Variants in AKAP6 observed in about 807,000 individuals in gnomAD.
AKAP6 encodes the protein A-kinase anchor protein 6.
Under a neutral mutation model 188.5 loss-of-function variants are expected in AKAP6, and 58 were observed. The ratio of observed to expected loss-of-function variants is 0.31; its 90% CI spans 0.25 to 0.38. AKAP6 has a LOEUF of 0.38. Ranked by LOEUF, AKAP6 falls within the 10% of genes least tolerant of loss-of-function variation. The probability of loss-of-function intolerance (pLI) is 1.00; values close to 1 mark genes in which losing one functional copy is unlikely to be tolerated. For synonymous variants in AKAP6, 989 were observed against 998.6 expected (o/e 0.99, Z 0.18); for missense variants, 2,710 against 2,740.0 (o/e 0.99, Z 0.24).
chr14:32,360,131 T>C (rs1887610521), intron 1 of AKAP6, among the ~76,000 whole-genome samples: 1 of 110,540 alleles, frequency 9.0e-6, no homozygotes, highest in Non-Finnish European at 1.9e-5. Flanking sequence ...TTTTTCTTTT[T>C]TCTTTTTTTT....
intron 11 of AKAP6, among the ~76,000 whole-genome samples, chr14:32,768,499 C>T (rs1397026618): frequency 6.6e-6 from 1 of 152,146 alleles, no homozygotes; most frequent in Non-Finnish European, 1.5e-5. Flanking sequence ...CAAGAAAATA[C>T]TAGTAACATA....
chr14:32,491,440 G>T (rs1880008058), intron 2 of AKAP6, among the ~76,000 whole-genome samples: 1 of 152,106 alleles, frequency 6.6e-6, no homozygotes, highest in Non-Finnish European at 1.5e-5. Context: ...TCAAACTTTT[G>T]GTACTGTGCT....
At chr14:32,428,632 A>T (rs747265300) in intron 1 of AKAP6, among the ~76,000 whole-genome samples, 5 of 152,182 alleles carry the variant, frequency 3.3e-5, no homozygotes, top group African/African-American at 4.8e-5. Flanking sequence ...TTGTAAAAGA[A>T]AGGAGAGAGA....
At chr14:32,775,938 A>G (rs2033046653) in intron 12 of AKAP6, among the ~76,000 whole-genome samples, 1 of 152,236 alleles carries the variant, frequency 6.6e-6, no homozygotes, top group Non-Finnish European at 1.5e-5. Context: ...AATCTCTGTC[A>G]GAAAAGGAAT....
At chr14:32,606,566 A>G (rs1385507276) in intron 7 of AKAP6, among the ~76,000 whole-genome samples, 1 of 152,200 alleles carries the variant, frequency 6.6e-6, no homozygotes, top group African/African-American at 2.4e-5. Flanking sequence ...GAAACAGATA[A>G]GTTTCCAGAA....
In AKAP6 at chr14:32,732,527, A is replaced by C; in HGVS notation, c.3074A>C (p.Lys1025Thr). 1 of 1,613,614 alleles carries C rather than the reference A, an allele frequency of 6.2e-7. No homozygotes were observed. Among genetic ancestry groups the C allele is most frequent in the Non-Finnish European group, 8.5e-7 (1 of 1,179,698 alleles). ...CTTAGTAAGGTTGAAGCTTTGAAGA[A>C]AGGTGGCGTTTTACTACCAAATGAT... ...ELLSKVEALK[K>T]GGVLLPNDLL... The change falls in exon 10 of 14, where the codon AAA becomes ACA. Residue 1025 changes from lysine to threonine, a missense_variant. This residue lies in a region of AKAP6 where 2,473 missense variants were observed against 2,426.1 expected (regional missense o/e 1.02). Coordinates refer to ENST00000280979, the MANE Select transcript of AKAP6 (RefSeq NM_004274.5).
chr14:32,446,556 A>T (rs755088047), intron 2 of AKAP6, among the ~76,000 whole-genome samples: 1 of 152,048 alleles, frequency 6.6e-6, no homozygotes, highest in Non-Finnish European at 1.5e-5. Flanking sequence ...GACATGTAAG[A>T]ATAGATTGTT....
intron 11 of AKAP6, among the ~76,000 whole-genome samples, chr14:32,763,712 T>C (rs1422088210): frequency 6.6e-6 from 1 of 152,158 alleles, no homozygotes; most frequent in African/African-American, 2.4e-5. Context: ...TCAATTGCTA[T>C]TTTTTGCACT....
intron 12 of AKAP6, among the ~76,000 whole-genome samples, chr14:32,798,272 G>C (rs1037988551): frequency 6.6e-6 from 1 of 152,150 alleles, no homozygotes; most frequent in Non-Finnish European, 1.5e-5. Context: ...GCAGAGAAAA[G>C]GGAAAGCTTA....
intron 12 of AKAP6, among the ~76,000 whole-genome samples, chr14:32,776,391 G>A (rs554496253): frequency 3.5e-4 from 53 of 152,236 alleles, no homozygotes; most frequent in African/African-American, 9.6e-4. Flanking sequence ...ATTCTCTCTT[G>A]TCTGCTGCCA....
At chr14:32,678,511 T>C in intron 8 of AKAP6, 52 bp downstream of exon 8, 1 of 1,602,512 alleles carries the variant, frequency 6.2e-7, no homozygotes, top group Non-Finnish European at 8.5e-7. Context: ...ATTTTTTCAA[T>C]GATTTTCCAC....
chr14:32,635,263 A>G (rs906629531), intron 7 of AKAP6, among the ~76,000 whole-genome samples: 5 of 152,114 alleles, frequency 3.3e-5, no homozygotes, highest in Non-Finnish European at 7.4e-5. Flanking sequence ...AATTCTATGC[A>G]ACTGTGAAGA....
At chr14:32,376,364 G>A (rs987681667) in intron 1 of AKAP6, among the ~76,000 whole-genome samples, 4 of 152,068 alleles carry the variant, frequency 2.6e-5, no homozygotes, top group Admixed American at 2.6e-4. Context: ...CTTATTCGTG[G>A]TGGTCATAGA....
intron 1 of AKAP6, among the ~76,000 whole-genome samples, chr14:32,381,908 C>T (rs7158840): frequency 0.84 from 128,259 of 152,022 alleles, 55,406 homozygotes; most frequent in Non-Finnish European, 0.93. Flanking sequence ...GCCTCAGGTC[C>T]AAAGTACTAC....
intron 1 of AKAP6, among the ~76,000 whole-genome samples, chr14:32,420,919 G>C (rs1889823722): frequency 6.6e-6 from 1 of 151,644 alleles, no homozygotes; most frequent in African/African-American, 2.4e-5. Flanking sequence ...TTGTGTGTGT[G>C]TGTGTGTGTG....
At chr14:32,682,491 A>G (rs1889720282) in intron 8 of AKAP6, among the ~76,000 whole-genome samples, 2 of 152,232 alleles carry the variant, frequency 1.3e-5, no homozygotes, top group Admixed American at 1.3e-4. Flanking sequence ...GGATGCATGA[A>G]TGAATAAATA....
chr14:32,405,111 A>G (rs1889244444), intron 1 of AKAP6, among the ~76,000 whole-genome samples: 1 of 152,022 alleles, frequency 6.6e-6, no homozygotes, highest in Non-Finnish European at 1.5e-5. Context: ...CCTAATCTCA[A>G]GCCAGTGGTC....
At chr14:32,590,496 A>G (rs182490275) in intron 5 of AKAP6, among the ~76,000 whole-genome samples, 12 of 152,310 alleles carry the variant, frequency 7.9e-5, no homozygotes, top group African/African-American at 2.2e-4. Context: ...TGCTAAATGA[A>G]TGAATGAACA....
At chr14:32,620,357 G>A (rs1439658059) in intron 7 of AKAP6, among the ~76,000 whole-genome samples, 1 of 152,146 alleles carries the variant, frequency 6.6e-6, no homozygotes, top group African/African-American at 2.4e-5. Context: ...CTAGTTTGTT[G>A]AGGGTTTTTA....
Sources: allele counts gnomAD v4.1 joint callset (sites outside exome capture counted in the v4.1 genomes callset), GRCh38; gene constraint gnomAD v4.1.1; regional missense constraint gnomAD v4.1.1; transcripts MANE v1.5; gene names NCBI Gene and HGNC (gene_info 2026-07-23, HGNC 2026-07-21).